RBBP7: variants seen among roughly 807,000 people sequenced by gnomAD.
The protein encoded by RBBP7 is RB binding protein 7, chromatin remodeling factor, also known as histone-binding protein RBBP7.
Under a neutral mutation model 35.2 loss-of-function variants are expected in RBBP7, and 5 were observed. The ratio of observed to expected loss-of-function variants is 0.14; its 90% CI spans 0.07 to 0.30. RBBP7 has a LOEUF of 0.30. RBBP7 is among the 10% of genes least tolerant of loss of function. RBBP7 has a pLI of 1.00. For missense variants in RBBP7, 155 were observed against 327.5 expected (o/e 0.47, Z 4.07); for synonymous variants, 140 against 118.7 (o/e 1.18, Z -1.17).
intron 10 of RBBP7, chrX:16,846,240 A>G: frequency 5.6e-6 from 1 of 177,166 alleles, no homozygotes. Context: ...TGAAGACTTC[A>G]GCCTGCATCC....
intron 7 of RBBP7, 29 bp downstream of exon 7, chrX:16,852,718 TAA>T (rs1930240301): frequency 5.8e-6 from 7 of 1,210,678 alleles, no homozygotes; most frequent in Admixed American, 2.2e-5. Context: ...CTGGGTTTTA[TAA>T]ACACCAAATA....
At chrX:16,864,526 C>CAAAAAAAAAAAA (rs61357554) in intron 2 of RBBP7, among the ~76,000 whole-genome samples, 6 of 26,216 alleles carry the variant, frequency 2.3e-4, no homozygotes, top group African/African-American at 6.6e-4. Flanking sequence ...ACTCCGTCTC[C>CAAAAAAAAAAAA]AAAAAAAAAA....
intron 2 of RBBP7, among the ~76,000 whole-genome samples, chrX:16,865,056 C>A (rs1291949508): frequency 1.5e-5 from 1 of 66,588 alleles, no homozygotes; most frequent in Non-Finnish European, 2.5e-5. Flanking sequence ...ATAGCAAGAC[C>A]CTGTCTCAAA....
At chrX:16,852,980 C>T in intron 6 of RBBP7, 105 bp from the exon 7 acceptor site, 3 of 1,151,485 alleles carry the variant, frequency 2.6e-6, no homozygotes, top group Non-Finnish European at 3.5e-6. Flanking sequence ...TATGTGCTCC[C>T]CTTCATGAAG....
intron 2 of RBBP7, among the ~76,000 whole-genome samples, chrX:16,865,259 A>C (rs1247081294): frequency 1.8e-5 from 2 of 110,707 alleles, no homozygotes; most frequent in Admixed American, 9.7e-5. Context: ...ACAAAAATTT[A>C]AATAAATATT....
At chrX:16,864,526 C>CAAAAAA (rs61357554) in intron 2 of RBBP7, among the ~76,000 whole-genome samples, 104 of 25,538 alleles carry the variant, frequency 4.1e-3, no homozygotes, top group African/African-American at 0.013. Flanking sequence ...ACTCCGTCTC[C>CAAAAAA]AAAAAAAAAA....
intron 2 of RBBP7, among the ~76,000 whole-genome samples, chrX:16,868,139 G>A (rs942138702): frequency 1.8e-5 from 2 of 111,604 alleles, no homozygotes; most frequent in Admixed American, 1.9e-4. Context: ...TGTTGGCTAA[G>A]CTAGAATGCA....
chrX:16,858,096 T>C (rs1177243665), intron 4 of RBBP7, among the ~76,000 whole-genome samples: 1 of 111,494 alleles, frequency 9.0e-6, no homozygotes, highest in East Asian at 2.8e-4. Flanking sequence ...CAGAAAGTTC[T>C]TCACGTCACT....
intron 2 of RBBP7, among the ~76,000 whole-genome samples, chrX:16,865,645 C>T (rs1173192219): frequency 8.9e-6 from 1 of 112,191 alleles, no homozygotes; most frequent in Non-Finnish European, 1.9e-5. Context: ...CTAAAGGCTG[C>T]AGAAGGACTA....
chrX:16,850,274 C>A (rs1930181718), intron 9 of RBBP7, among the ~76,000 whole-genome samples: 1 of 112,759 alleles, frequency 8.9e-6, no homozygotes, highest in Admixed American at 9.4e-5. Context: ...TGGGTTCAAG[C>A]GATCCTCCTG....
chrX:16,858,677 T>A lies in RBBP7; in HGVS notation c.480A>T (p.Pro160=). 8.3e-7 allele frequency: 1 copy of A among 1,209,319 alleles called. No individual in the cohort carries two copies. Among genetic ancestry groups the A allele is most frequent in the South Asian group, 1.8e-5 (1 of 56,632 alleles). Reference sequence around the variant, plus strand: ...TGACCTAACTCTATTATTACATACCTGGTTTAGCAGGGTGTTTTGTATAGT... The same window carrying A: ...TGACCTAACTCTATTATTACATACCAGGTTTAGCAGGGTGTTTTGTATAGT... ...VFDYTKHPAK[P]DPSGECNPDL... is the part of the protein sequence containing the mutation. The change falls in exon 4 of 12, where the codon CCA becomes CCT. Residue 160 remains proline (P), a splice_region_variant and synonymous_variant. Transcript: ENST00000380087.
chrX:16,857,627 C>T lies in RBBP7; in HGVS notation c.564G>A (p.Leu188=), dbSNP rs1199065104. 8.3e-7 allele frequency: 1 copy of T among 1,208,508 alleles called. No individual in the cohort carries two copies. The highest frequency in any genetic ancestry group is 1.8e-5 in the South Asian group (1 of 56,065). ...CAGATGCACTTAGGAGATGTCCACT[C>T]AAATTTGAATTCCAGGAGAGACCAT... ...EGYGLSWNSN[L]SGHLLSASDD... is the part of the protein sequence containing the mutation. Residue 188 remains leucine, a synonymous_variant, in exon 5 of 12, where the codon TTG becomes TTA. Transcript: ENST00000380087.
chrX:16,855,995 CAAAAA>C (rs754398259), intron 5 of RBBP7, among the ~76,000 whole-genome samples: 3 of 15,993 alleles, frequency 1.9e-4, no homozygotes, highest in Admixed American at 1.2e-3. Flanking sequence ...GACCTTGTCT[CAAAAA>C]AAAAAAAAAA....
At position 16,869,506 on chromosome X, in the gene RBBP7, G is replaced by A. The variant is rs987938460; in HGVS notation, c.17-286C>T. On this transcript the variant is annotated intron_variant, in intron 1 of 11. Transcript: ENST00000380087. ...CAGCTGTTCGCACCTGTTCTAAGAT[G>A]ACGACCTGTACGTACAGGGGCTGCG... The A allele has an allele frequency of 2.5e-5, 29 of 1,165,297 alleles. No individual in the cohort carries two copies. The highest frequency in any genetic ancestry group is 3.1e-5 in the Non-Finnish European group (27 of 872,523).
At position 16,853,808 on chromosome X, in the gene RBBP7, T is replaced by A; in HGVS notation, c.632A>T (p.Lys211Ile). 8.5e-7 allele frequency: 1 copy of A among 1,177,069 alleles called. No individual in the cohort carries two copies. Among genetic ancestry groups the A allele is most frequent in the Non-Finnish European group, 1.1e-6 (1 of 879,937 alleles). ...TTTAGCATCCACAATTTTGCCTTCT[T>A]TTGGTCCTGCGTTTATATCCCACAG... Reference protein sequence around the residue: ...VCLWDINAGPKEGKIVDAKAI... With the variant: ...VCLWDINAGPIEGKIVDAKAI... The change falls in exon 6 of 12, where the codon AAA becomes ATA. Residue 211 changes from lysine (K) to isoleucine (I), a missense_variant. This residue lies in a region of RBBP7 where 79 missense variants were observed against 220.8 expected (regional missense o/e 0.36). Transcript: ENST00000380087.
intron 5 of RBBP7, among the ~76,000 whole-genome samples, chrX:16,856,743 C>T (rs1416544883): frequency 8.9e-6 from 1 of 111,801 alleles, no homozygotes; most frequent in African/African-American, 3.2e-5. Context: ...CTTTGGAAAA[C>T]AGTTTGGTAA....
intron 5 of RBBP7, among the ~76,000 whole-genome samples, chrX:16,855,995 C>CAAAA (rs754398259): frequency 0.017 from 270 of 15,975 alleles, 40 homozygotes; most frequent in Admixed American, 0.039. Flanking sequence ...GACCTTGTCT[C>CAAAA]AAAAAAAAAA....
rs1275172997 is a variant in RBBP7, at chrX:16,845,023, C to T, written c.*12G>A. ...CATTACATTCAACAGAAACATTTCT[C>T]GTACTTTGGGTTTAAGATCCTTGTC... On this transcript the variant is annotated 3_prime_UTR_variant, in exon 12 of 12. Coordinates refer to ENST00000380087, the MANE Select transcript of RBBP7 (RefSeq NM_002893.4). The T allele has an allele frequency of 3.3e-6, 4 of 1,194,882 alleles. No individual in the cohort carries two copies. The highest frequency in any genetic ancestry group is 1.7e-5 in the African/African-American group (1 of 57,435).
chrX:16,868,516 T>C (rs1930683414), intron 2 of RBBP7, among the ~76,000 whole-genome samples: 1 of 112,684 alleles, frequency 8.9e-6, no homozygotes, highest in Non-Finnish European at 1.9e-5. Flanking sequence ...CCAGCAATTA[T>C]TACCAGAGAA....
Sources: allele counts gnomAD v4.1 joint callset (sites outside exome capture counted in the v4.1 genomes callset), GRCh38; gene constraint gnomAD v4.1.1; regional missense constraint gnomAD v4.1.1; transcripts MANE v1.5; gene names NCBI Gene and HGNC (gene_info 2026-07-23, HGNC 2026-07-21).